DPP10: variants seen among roughly 807,000 people sequenced by gnomAD.
The protein encoded by DPP10 is inactive dipeptidyl peptidase 10.
DPP10 carries 33 observed loss-of-function variants against 120.9 expected under a neutral mutation model. That is an observed-to-expected ratio of 0.27 (90% CI 0.21 to 0.37). The LOEUF is 0.37. Ranked by LOEUF, DPP10 falls within the 10% of genes least tolerant of loss-of-function variation. The pLI, the probability that DPP10 is intolerant of heterozygous loss-of-function variation, is 1.00. For synonymous variants in DPP10, 337 were observed against 326.1 expected (o/e 1.03, Z -0.36); for missense variants, 816 against 942.8 (o/e 0.87, Z 1.76).
At chr2:115,840,441 C>T (rs1278535428) in intron 24 of DPP10, among the ~76,000 whole-genome samples, 2 of 150,288 alleles carry the variant, frequency 1.3e-5, no homozygotes, top group Non-Finnish European at 3.0e-5. Flanking sequence ...TCTCCTGCCT[C>T]AGCCTCTCGA....
intron 3 of DPP10, among the ~76,000 whole-genome samples, chr2:115,396,615 A>T (rs1459458380): frequency 6.6e-6 from 1 of 152,196 alleles, no homozygotes; most frequent in African/African-American, 2.4e-5. Context: ...CTTGTTAAAT[A>T]CTCAAAGAAA....
intron 1 of DPP10, among the ~76,000 whole-genome samples, chr2:114,916,419 A>G (rs987111371): frequency 1.3e-5 from 2 of 152,192 alleles, no homozygotes; most frequent in African/African-American, 2.4e-5. Flanking sequence ...TACCAAATCT[A>G]TGGAAACTAT....
At chr2:115,247,151 A>G (rs972175751) in intron 1 of DPP10, among the ~76,000 whole-genome samples, 1 of 152,142 alleles carries the variant, frequency 6.6e-6, no homozygotes, top group Non-Finnish European at 1.5e-5. Context: ...TTGTTGATAG[A>G]TGGTAATGCT....
intron 21 of DPP10, among the ~76,000 whole-genome samples, chr2:115,827,550 A>AT (rs1317391161): frequency 6.7e-6 from 1 of 148,916 alleles, no homozygotes; most frequent in Non-Finnish European, 1.5e-5. Flanking sequence ...TATTGTTATA[A>AT]TTTTTGCATT....
intron 3 of DPP10, among the ~76,000 whole-genome samples, chr2:115,437,896 T>C (rs2071640269): frequency 6.6e-6 from 1 of 152,148 alleles, no homozygotes; most frequent in Non-Finnish European, 1.5e-5. Flanking sequence ...TTTTGTAACA[T>C]ATGTCTCATT....
intron 1 of DPP10, among the ~76,000 whole-genome samples, chr2:114,602,564 A>G (rs768569423): frequency 6.6e-6 from 1 of 151,876 alleles, no homozygotes; most frequent in Non-Finnish European, 1.5e-5. Context: ...CTCTCAACCT[A>G]TATCTGTGAA....
At position 115,523,932 on chromosome 2, in the gene DPP10, T is replaced by C. The variant is rs766688100; in HGVS notation, c.367-1966T>C. 3.0e-4 allele frequency among the ~76,000 whole-genome samples: 46 copies of C among 152,136 alleles called. 1 individual carries two copies. Among genetic ancestry groups the C allele is most frequent in the Non-Finnish European group, 7.4e-5 (5 of 68,026 alleles). On this transcript the variant is annotated intron_variant, in intron 4 of 25. Coordinates refer to ENST00000410059, the MANE Select transcript of DPP10 (RefSeq NM_020868.6). ...TAAAAAACAAAATTCTTGACATGAA[T>C]TGTTGCCAGTGAATGTTGTTATCTT...
At chr2:115,286,205 C>G (rs1056245960) in intron 1 of DPP10, among the ~76,000 whole-genome samples, 3 of 151,384 alleles carry the variant, frequency 2.0e-5, no homozygotes, top group Admixed American at 6.6e-5. Flanking sequence ...GTTTACACAG[C>G]AATGGTTTTT....
intron 1 of DPP10, among the ~76,000 whole-genome samples, chr2:114,836,698 A>G (rs1447109229): frequency 6.6e-6 from 1 of 152,156 alleles, no homozygotes; most frequent in Non-Finnish European, 1.5e-5. Context: ...TCTGACCAAA[A>G]ATGTATTAGG....
At chr2:114,481,974 G>GA (rs200915662) in intron 1 of DPP10, among the ~76,000 whole-genome samples, 6 of 150,614 alleles carry the variant, frequency 4.0e-5, no homozygotes, top group African/African-American at 1.2e-4. Context: ...GAGAGAGAGA[G>GA]GAGAGAAAGA....
chr2:115,182,405 A>G (rs1232742405), intron 1 of DPP10, among the ~76,000 whole-genome samples: 1 of 152,190 alleles, frequency 6.6e-6, no homozygotes, highest in Non-Finnish European at 1.5e-5. Flanking sequence ...TTGATCTGGG[A>G]TTGGTGGGAT....
chr2:114,984,687 G>T (rs182424002), intron 1 of DPP10, among the ~76,000 whole-genome samples: 2 of 152,222 alleles, frequency 1.3e-5, no homozygotes, highest in Admixed American at 6.5e-5. Flanking sequence ...AACCCATCAG[G>T]CACCATTGTT....
intron 1 of DPP10, among the ~76,000 whole-genome samples, chr2:115,244,881 G>A (rs2058463623): frequency 6.7e-6 from 1 of 150,066 alleles, no homozygotes; most frequent in South Asian, 2.1e-4. Flanking sequence ...GGGGGAACAG[G>A]TGTTTTCTGT....
In DPP10 at chr2:115,635,205, T is replaced by G. The variant is rs188246254; in HGVS notation, c.442-54482T>G. On this transcript the variant is annotated intron_variant, in intron 5 of 25. Coordinates refer to ENST00000410059, the MANE Select transcript of DPP10 (RefSeq NM_020868.6). Reference sequence around the variant, plus strand: ...GAAAGCTCAGCCATCTTAGGCAGCATGCAGCCACAGTGATGATGGCCACCC... The same window carrying G: ...GAAAGCTCAGCCATCTTAGGCAGCAGGCAGCCACAGTGATGATGGCCACCC... Among the ~76,000 whole-genome samples, 185 of 150,308 alleles carry G rather than the reference T, an allele frequency of 1.2e-3. 1 individual carries two copies. The highest frequency in any genetic ancestry group is 4.3e-3 in the African/African-American group (173 of 40,514).
intron 1 of DPP10, among the ~76,000 whole-genome samples, chr2:114,613,395 G>A (rs139018226): frequency 1.1e-4 from 16 of 152,154 alleles, no homozygotes; most frequent in Admixed American, 3.3e-4. Context: ...TGAGAGGGGC[G>A]GAGTTGGAAT....
chr2:114,483,975 A>G (rs961408142), intron 1 of DPP10, among the ~76,000 whole-genome samples: 1 of 152,122 alleles, frequency 6.6e-6, no homozygotes, highest in Non-Finnish European at 1.5e-5. Flanking sequence ...ACTCATTTAC[A>G]TGAGCTTCCA....
At chr2:115,810,947 A>G (rs1357920867) in intron 19 of DPP10, among the ~76,000 whole-genome samples, 3 of 152,230 alleles carry the variant, frequency 2.0e-5, no homozygotes, top group Non-Finnish European at 4.4e-5. Context: ...ATTTATTATA[A>G]GATAGATGAT....
chr2:115,687,042 T>C (rs1413209837), intron 5 of DPP10, among the ~76,000 whole-genome samples: 5 of 151,868 alleles, frequency 3.3e-5, no homozygotes, highest in Non-Finnish European at 7.4e-5. Flanking sequence ...ATAAAGGAAA[T>C]TGAGGAATGT....
At chr2:115,298,724 C>T (rs752537348) in intron 1 of DPP10, among the ~76,000 whole-genome samples, 9 of 151,974 alleles carry the variant, frequency 5.9e-5, no homozygotes, top group Admixed American at 2.0e-4. Context: ...GTTAGGACTT[C>T]CCTGGCCCTG....
Sources: gnomAD v4.1 joint callset for allele counts (sites outside exome capture counted in the v4.1 genomes callset) on GRCh38, gnomAD v4.1.1 for gene constraint, MANE v1.5 for transcripts, NCBI Gene and HGNC (gene_info 2026-07-23, HGNC 2026-07-21) for gene names.